Variants in POF1B observed in about 807,000 individuals in gnomAD.
POF1B encodes protein POF1B.
In POF1B, 53 loss-of-function variants were observed where a neutral mutation model predicts 55.3. That is an observed-to-expected ratio of 0.96 (90% CI 0.77 to 1.20). POF1B has a LOEUF of 1.20. POF1B is among the 50% of genes most tolerant of loss of function. POF1B has a pLI of 0.00. For missense variants in POF1B, 478 were observed against 420.5 expected, an observed-to-expected ratio of 1.14 and a Z score of -1.20; for synonymous variants, 188 against 148.3, an observed-to-expected ratio of 1.27 and a Z score of -1.95.
intron 7 of POF1B, among the ~76,000 whole-genome samples, chrX:85,316,946 G>C (rs187154404): frequency 1.8e-5 from 2 of 110,530 alleles, no homozygotes; most frequent in African/African-American, 6.6e-5. Context: ...TCAATGTTTA[G>C]CTCCCACTTA....
chrX:85,300,885 G>GATA (rs1430068623), intron 15 of POF1B, among the ~76,000 whole-genome samples: 1 of 111,604 alleles, frequency 9.0e-6, no homozygotes, highest in Non-Finnish European at 1.9e-5. Context: ...AGGTAAAAAA[G>GATA]ATAATAACTA....
intron 15 of POF1B, among the ~76,000 whole-genome samples, chrX:85,285,900 C>CAA (rs1671296307): frequency 9.8e-6 from 1 of 102,063 alleles, no homozygotes; most frequent in African/African-American, 3.9e-5. Context: ...CTTAAAAGGC[C>CAA]AAAAGAAGTC....
chrX:85,357,444 T>A (rs1933523712), intron 4 of POF1B, among the ~76,000 whole-genome samples: 1 of 110,942 alleles, frequency 9.0e-6, no homozygotes, highest in Admixed American at 9.7e-5. Context: ...AGAGTAATCT[T>A]CACTCATTTT....
chrX:85,342,785 A>G, intron 6 of POF1B, among the ~76,000 whole-genome samples: 1 of 111,143 alleles, frequency 9.0e-6, no homozygotes, highest in Middle Eastern at 4.6e-3. Context: ...CTTTAAAGAT[A>G]CTCTTCTACC....
chrX:85,290,324 T>C (rs1932154353), intron 15 of POF1B, among the ~76,000 whole-genome samples: 1 of 111,776 alleles, frequency 8.9e-6, no homozygotes, highest in African/African-American at 3.3e-5. Flanking sequence ...ACATGGTGTA[T>C]ATGTACCACA....
At chrX:85,369,304 T>C (rs1014603712) in intron 2 of POF1B, among the ~76,000 whole-genome samples, 14 of 111,243 alleles carry the variant, frequency 1.3e-4, no homozygotes, top group Admixed American at 9.6e-4. Flanking sequence ...TGCAGGCAGG[T>C]TTGGCCCACA....
chrX:85,298,916 C>A (rs1302376719), intron 15 of POF1B, among the ~76,000 whole-genome samples: 3 of 106,577 alleles, frequency 2.8e-5, no homozygotes, highest in African/African-American at 1.0e-4. Flanking sequence ...AAAAAAAAAA[C>A]CATGCTTAAG....
chrX:85,307,049 T>G, intron 11 of POF1B, 114 bp downstream of exon 11: 3 of 596,442 alleles, frequency 5.0e-6, no homozygotes, highest in East Asian at 3.9e-5. Flanking sequence ...ATGAACAAAT[T>G]TTTCCATCAT....
At chrX:85,339,898 T>C (rs955330019) in intron 6 of POF1B, among the ~76,000 whole-genome samples, 13 of 111,188 alleles carry the variant, frequency 1.2e-4, no homozygotes, top group Non-Finnish European at 2.5e-4. Context: ...AAAATCGTGG[T>C]CCCTGGGCCA....
At chrX:85,302,104 A>AT (rs927428603) in intron 15 of POF1B, among the ~76,000 whole-genome samples, 1 of 111,182 alleles carries the variant, frequency 9.0e-6, no homozygotes, top group African/African-American at 3.3e-5. Context: ...GATGAATTGG[A>AT]TTTTTTTCTA....
At chrX:85,361,547 C>G (rs1473617530) in intron 3 of POF1B, among the ~76,000 whole-genome samples, 1 of 111,105 alleles carries the variant, frequency 9.0e-6, no homozygotes, top group Non-Finnish European at 1.9e-5. Context: ...TCTGCGCTCT[C>G]TATTCTGTTC....
rs188346613 is a variant in POF1B at position 85,341,744 on chromosome X, A to G, written c.723+4116T>C. ...TTGAACTAACCAGCCCTGAAATTCT[A>G]TCATTGGTGAATGACATGTTAAATA... On this transcript the variant is annotated intron_variant, in intron 6 of 16. Transcript: ENST00000262753. 3.6e-5 allele frequency among the ~76,000 whole-genome samples: 4 copies of G among 111,214 alleles called. No homozygotes were observed. In the East Asian group the frequency reaches 1.1e-3, roughly 32 times the overall value.
intron 15 of POF1B, among the ~76,000 whole-genome samples, chrX:85,289,661 C>A (rs774501466): frequency 5.4e-5 from 6 of 111,213 alleles, no homozygotes; most frequent in South Asian, 7.4e-4. Flanking sequence ...AAACCAAAAC[C>A]AAAACAAAAA....
chrX:85,357,676 C>T (rs150146434), intron 4 of POF1B, among the ~76,000 whole-genome samples: 1 of 110,684 alleles, frequency 9.0e-6, no homozygotes, highest in Non-Finnish European at 1.9e-5. Flanking sequence ...CTCTGATAAC[C>T]CCTCTGTCTG....
At chrX:85,344,412 T>A (rs1203198729) in intron 6 of POF1B, among the ~76,000 whole-genome samples, 2 of 111,492 alleles carry the variant, frequency 1.8e-5, no homozygotes, top group Non-Finnish European at 3.8e-5. Context: ...TCAGCCAAAA[T>A]TAATTTCTTC....
intron 4 of POF1B, among the ~76,000 whole-genome samples, chrX:85,356,456 T>C (rs951939174): frequency 9.6e-6 from 1 of 103,771 alleles, no homozygotes; most frequent in Non-Finnish European, 2.0e-5. Flanking sequence ...TAAAGTATAA[T>C]AAAAAAAGAA....
chrX:85,315,192 G>A (rs1173826924), intron 8 of POF1B, among the ~76,000 whole-genome samples: 2 of 111,476 alleles, frequency 1.8e-5, no homozygotes, highest in Non-Finnish European at 3.8e-5. Flanking sequence ...TTCTCTATTT[G>A]ATTATTCTAT....
chrX:85,319,343 G>C (rs1275849730), intron 7 of POF1B, among the ~76,000 whole-genome samples: 1 of 110,970 alleles, frequency 9.0e-6, no homozygotes, highest in Admixed American at 9.6e-5. Flanking sequence ...CTTTCTTCCT[G>C]CTTGAATGCC....
At chrX:85,352,069 G>A (rs1389069503) in intron 4 of POF1B, among the ~76,000 whole-genome samples, 3 of 110,738 alleles carry the variant, frequency 2.7e-5, no homozygotes, top group Non-Finnish European at 5.7e-5. Context: ...CAACTAAATT[G>A]CTGTAAGATT....
Sources: gnomAD v4.1 joint callset for allele counts (sites outside exome capture counted in the v4.1 genomes callset) on GRCh38, gnomAD v4.1.1 for gene constraint, MANE v1.5 for transcripts, NCBI Gene and HGNC (gene_info 2026-07-23, HGNC 2026-07-21) for gene names.